CACHD1: variants seen among roughly 807,000 people sequenced by gnomAD.
CACHD1 encodes VWFA and cache domain-containing protein 1.
Under a neutral mutation model 138.7 loss-of-function variants are expected in CACHD1, and 71 were observed. The observed-to-expected ratio is 0.51, with a 90% CI of 0.42 to 0.62. CACHD1 has a LOEUF of 0.62. CACHD1 is among the 20% of genes least tolerant of loss of function. CACHD1 has a pLI of 0.00. For synonymous variants in CACHD1, 578 were observed against 591.5 expected, an observed-to-expected ratio of 0.98 and a Z score of 0.33; for missense variants, 1,389 against 1,625.3, an observed-to-expected ratio of 0.85 and a Z score of 2.50.
chr1:64,556,453 T>C (rs1646797612), intron 2 of CACHD1, among the ~76,000 whole-genome samples: 2 of 152,166 alleles, frequency 1.3e-5, no homozygotes, highest in South Asian at 4.1e-4. Context: ...TTTCTATCCA[T>C]TATTTCTCCT....
chr1:64,483,680 C>CAA (rs1646224429), intron 1 of CACHD1, among the ~76,000 whole-genome samples: 1 of 90,908 alleles, frequency 1.1e-5, no homozygotes, highest in African/African-American at 7.9e-5. Flanking sequence ...CCTGTCTCTA[C>CAA]CAAAAAAAAA....
rs553150303 is a variant in CACHD1 at position 64,673,568 on chromosome 1, G to A, written c.2727+104G>A. ...GAATATTATTCCTACCTGTTTCATC[G>A]CCTTAGAACTATAGAATGATAGGAG... On this transcript the variant is annotated intron_variant, in intron 19 of 26. Transcript: ENST00000651257. 149 of 935,956 alleles carry A rather than the reference G, an allele frequency of 1.6e-4. No homozygotes were observed. The Middle Eastern group carries it at 1.8e-3, about 11-fold the overall frequency. The allele number at this position is 935,956 out of a possible 1,614,324, so 58.0% of individuals were successfully genotyped here. A position where few individuals can be genotyped will look rare whatever the true frequency, so the allele number is the denominator to read the frequency against.
Position 64,664,662 on chromosome 1 carries a change from T to G in CACHD1, c.2259T>G (p.Asp753Glu). The G allele has an allele frequency of 6.2e-7, 1 of 1,614,162 alleles. No homozygotes were observed. The change falls in exon 15 of 27, where the codon GAT becomes GAG. Residue 753 changes from aspartate (D) to glutamate (E), a missense_variant. By Grantham distance (45) the Asp-to-Glu change is conservative. Around this residue, in one of 5 missense-constraint regions of CACHD1, gnomAD observed 1,000 missense variants for 1,114.7 expected, o/e 0.90. Transcript: ENST00000651257. Reference sequence around the variant, plus strand: ...GTTCCCTCATGGACAAAGCATTTGATCCCACTAGGAGACAATGGTGAGTTT... The same window carrying G: ...GTTCCCTCATGGACAAAGCATTTGAGCCCACTAGGAGACAATGGTGAGTTT... ...YPGSLMDKAFDPTRRQWYLHA... is the reference protein window; with the variant it reads ...YPGSLMDKAFEPTRRQWYLHA...
In CACHD1 at chr1:64,671,554, T is replaced by G. The variant is rs367623183; in HGVS notation, c.2388-10T>G. On this transcript the variant is annotated splice_polypyrimidine_tract_variant and intron_variant, in intron 16 of 26. Coordinates refer to ENST00000651257, the MANE Select transcript of CACHD1 (RefSeq NM_020925.4). ...TGCCTATTGTTCTCATTGATCTTTT[T>G]CACTTAAAGTACACAGCTGTCTTCT... 148 of 1,613,824 alleles carry G rather than the reference T, an allele frequency of 9.2e-5. No individual in the cohort carries two copies. Among genetic ancestry groups the G allele is most frequent in the Admixed American group, 1.2e-4 (7 of 60,000 alleles).
intron 4 of CACHD1, among the ~76,000 whole-genome samples, chr1:64,603,731 G>A (rs927779785): frequency 1.3e-5 from 2 of 152,068 alleles, no homozygotes; most frequent in Non-Finnish European, 2.9e-5. Flanking sequence ...TAACTACTGG[G>A]TACTCATATT....
intron 5 of CACHD1, among the ~76,000 whole-genome samples, chr1:64,631,867 G>C (rs1339726418): frequency 1.3e-5 from 2 of 152,090 alleles, no homozygotes; most frequent in Non-Finnish European, 2.9e-5. Flanking sequence ...CTCAGATAAG[G>C]GGCCTTTTGG....
chr1:64,650,259 G>A (rs149813282), intron 9 of CACHD1, among the ~76,000 whole-genome samples: 1 of 152,108 alleles, frequency 6.6e-6, no homozygotes, highest in African/African-American at 2.4e-5. Context: ...AAGCGAGCAG[G>A]CATCTCAGTC....
chr1:64,587,618 C>T (rs1647060917), intron 3 of CACHD1, among the ~76,000 whole-genome samples: 1 of 152,154 alleles, frequency 6.6e-6, no homozygotes, highest in East Asian at 1.9e-4. Flanking sequence ...AAAGAATTTG[C>T]ATTCTTCAAT....
intron 15 of CACHD1, among the ~76,000 whole-genome samples, chr1:64,665,132 A>T (rs571438240): frequency 3.9e-5 from 6 of 152,232 alleles, no homozygotes; most frequent in Non-Finnish European, 8.8e-5. Flanking sequence ...GTGCTATAGC[A>T]TAGCAGGGGA....
chr1:64,691,300 T>G, intron 26 of CACHD1, 23 bp from the exon 27 acceptor site: 2 of 1,601,754 alleles, frequency 1.2e-6, no homozygotes, highest in Non-Finnish European at 1.7e-6. Context: ...CTCAGCTGTG[T>G]GTTTGTTTTG....
At chr1:64,578,675 G>T (rs190649992) in intron 2 of CACHD1, among the ~76,000 whole-genome samples, 233 of 152,294 alleles carry the variant, frequency 1.5e-3, no homozygotes, top group African/African-American at 5.4e-3. Context: ...CCACAACTTG[G>T]GCTGGGATGA....
chr1:64,569,165 C>A (rs1389815795), intron 2 of CACHD1, among the ~76,000 whole-genome samples: 2 of 152,122 alleles, frequency 1.3e-5, no homozygotes, highest in South Asian at 4.1e-4. Context: ...AGGTGATCCA[C>A]CCACCTCAGC....
chr1:64,470,377 G>A lies in CACHD1; in HGVS notation c.-368G>A, dbSNP rs377018784. On this transcript the variant is annotated 5_prime_UTR_variant, in exon 1 of 27. Coordinates refer to ENST00000651257, the MANE Select transcript of CACHD1 (RefSeq NM_020925.4). The surrounding 1 kb of genome is among the most constrained non-coding windows in gnomAD (Gnocchi z 5.2). ...AAGCGAGAGCCGCGCGGCTCGGCTC[G>A]GGCTCCGACTCCGACTCCGATTCCG... Among the ~76,000 whole-genome samples, 20 of 151,774 alleles carry A rather than the reference G, an allele frequency of 1.3e-4. No individual in the cohort carries two copies. The East Asian group carries it at 2.2e-3, about 17-fold the overall frequency.
intron 2 of CACHD1, among the ~76,000 whole-genome samples, chr1:64,561,169 GT>G (rs139562284): frequency 0.016 from 2,221 of 141,046 alleles, 46 homozygotes; most frequent in African/African-American, 0.053. Context: ...TTTTTTTTCT[GT>G]TTTTTTTTTC....
rs375037769 is a variant in CACHD1 at position 64,496,810 on chromosome 1, C to T, written c.198+25868C>T. ...ATGGACTGCCTTCCTACAGGACACT[C>T]GTGCATGGAAGCCCAATTTCCTCAA... On this transcript the variant is annotated intron_variant, in intron 1 of 26. Coordinates refer to ENST00000651257, the MANE Select transcript of CACHD1 (RefSeq NM_020925.4). 3.7e-4 allele frequency among the ~76,000 whole-genome samples: 55 copies of T among 149,248 alleles called. 1 individual carries two copies. The highest frequency in any genetic ancestry group is 1.2e-3 in the African/African-American group (48 of 40,378).
At position 64,551,364 on chromosome 1, in the gene CACHD1, G is replaced by T. The variant is rs116568056; in HGVS notation, c.261+708G>T. Among the ~76,000 whole-genome samples the T allele has an allele frequency of 5.4e-3, 814 of 152,110 alleles. 7 individuals carry two copies. The highest frequency in any genetic ancestry group is 0.019 in the African/African-American group (777 of 41,498). On this transcript the variant is annotated intron_variant, in intron 2 of 26. Coordinates refer to ENST00000651257, the MANE Select transcript of CACHD1 (RefSeq NM_020925.4). ...CTAAAATATAGTGTTGATGAACCTG[G>T]TCGTAAATAATTGATCTGTGCTTGA...
chr1:64,588,845 G>C (rs1474103921), intron 3 of CACHD1, among the ~76,000 whole-genome samples: 1 of 152,132 alleles, frequency 6.6e-6, no homozygotes, highest in Admixed American at 6.5e-5. Context: ...AGGAAATACT[G>C]GAAAGATGAA....
At position 64,645,937 on chromosome 1, in the gene CACHD1, G is replaced by A. The variant is rs140516427; in HGVS notation, c.1157-1864G>A. 1.0e-3 allele frequency among the ~76,000 whole-genome samples: 158 copies of A among 152,246 alleles called. 2 individuals carry two copies. The highest frequency in any genetic ancestry group is 9.0e-3 in the Admixed American group (138 of 15,296). Reference sequence around the variant, plus strand: ...TAACCTGGTAGCATACAAGAAAAGAGGATCCTGGGAAATGTAGTTTCTAGC... The same window carrying A: ...TAACCTGGTAGCATACAAGAAAAGAAGATCCTGGGAAATGTAGTTTCTAGC... On this transcript the variant is annotated intron_variant, in intron 8 of 26. Coordinates refer to ENST00000651257, the MANE Select transcript of CACHD1 (RefSeq NM_020925.4).
chr1:64,666,735 G>T (rs200891524), intron 16 of CACHD1, among the ~76,000 whole-genome samples: 1 of 151,326 alleles, frequency 6.6e-6, no homozygotes, highest in South Asian at 2.1e-4. Flanking sequence ...AATTAATCAG[G>T]CATGATGGGG....
Sources: allele counts gnomAD v4.1 joint callset (sites outside exome capture counted in the v4.1 genomes callset), GRCh38; gene constraint gnomAD v4.1.1; regional missense constraint gnomAD v4.1.1; non-coding constraint Gnocchi (gnomAD v3.1); transcripts MANE v1.5; gene names NCBI Gene and HGNC (gene_info 2026-07-23, HGNC 2026-07-21).